LCN12: variants seen among roughly 807,000 people sequenced by gnomAD.
LCN12 encodes lipocalin 12.
In LCN12, 15 loss-of-function variants were observed where a neutral mutation model predicts 23.7. The observed-to-expected ratio is 0.63, with a 90% confidence interval of 0.42 to 0.97. The LOEUF (loss-of-function observed/expected upper bound fraction) is 0.97, where lower values mean the gene tolerates loss of function less well. Among genes scored for constraint, LCN12 ranks in the 50% least tolerant of loss-of-function variants. The pLI is 0.00. For synonymous variants in LCN12, 116 were observed against 111.5 expected (o/e 1.04, Z -0.25); for missense variants, 219 against 249.6 (o/e 0.88, Z 0.83).
Position 136,954,928 on chromosome 9 carries a change from A to G in LCN12, c.551-443A>G, listed in dbSNP as rs567573684. On this transcript the variant is annotated intron_variant, in intron 5 of 5. Transcript: ENST00000371633. ...TGCATAACCACATGCACACACACTC[A>G]CGCATGAGCAAACGTGTACAGACTG... 2.7e-5 allele frequency: 34 copies of G among 1,236,486 alleles called. No individual in the cohort carries two copies. In the South Asian group the frequency reaches 4.8e-4, roughly 18 times the overall value. The allele number at this position is 1,236,486 out of a possible 1,614,324, so 76.6% of individuals were successfully genotyped here.
Position 136,953,939 on chromosome 9 carries a change from GGCCGTCCTCAGGATCA to G in LCN12, c.427_442del (p.Val143CysfsTer35). ...TGTCCCGCAGACACACGAGCAGGCT[GGCCGTCCTCAGGATCA>G]GCCTGCTGGGTGAGCCTCCCACCCC... On this transcript the variant is annotated frameshift_variant, in exon 4 of 6. Coordinates refer to ENST00000371633, the MANE Select transcript of LCN12 (RefSeq NM_178536.4). LOFTEE classifies it high-confidence loss of function. 6.2e-7 allele frequency: 1 copy of G among 1,610,908 alleles called. No individual in the cohort carries two copies. The highest frequency in any genetic ancestry group is 8.5e-7 in the Non-Finnish European group (1 of 1,179,820).
upstream of LCN12, among the ~76,000 whole-genome samples, chr9:136,950,396 C>T (rs117294320): frequency 1.9e-3 from 284 of 152,256 alleles, 5 homozygotes; most frequent in East Asian, 0.043. Context: ...GGACCCTCCT[C>T]TGTGTCGAGG....
upstream of LCN12, chr9:136,951,503 C>T (rs1344530804): frequency 6.6e-6 from 1 of 152,418 alleles, no homozygotes; most frequent in Non-Finnish European, 1.5e-5. Context: ...GATCCTCCCA[C>T]CTTGGCCCCC....
rs889243251 is a variant in LCN12, at chr9:136,953,427, G to A, written c.252-273G>A. ...CACTTTGGGGGCCGGGCGCGGTGGC[G>A]CACACCTGTAATCCCAGCACTTTAG... On this transcript the variant is annotated intron_variant, in intron 2 of 5. Coordinates refer to ENST00000371633, the MANE Select transcript of LCN12 (RefSeq NM_178536.4). 11 of 449,054 alleles carry A rather than the reference G, an allele frequency of 2.4e-5. No homozygotes were observed. In the East Asian group the frequency reaches 3.7e-4, roughly 15 times the overall value. The allele number at this position is 449,054 out of a possible 1,614,324, so 27.8% of individuals were successfully genotyped here. A position where few individuals can be genotyped will look rare whatever the true frequency, so the allele number is the denominator to read the frequency against.
At chr9:136,954,449 C>T in intron 5 of LCN12, 194 bp downstream of exon 5, 1 of 730,476 alleles carries the variant, frequency 1.4e-6, no homozygotes, top group South Asian at 1.5e-5. Flanking sequence ...CCCCGGGTCC[C>T]CTGTCCTGGG....
upstream of LCN12, among the ~76,000 whole-genome samples, chr9:136,950,063 G>A (rs1321451405): frequency 6.6e-6 from 1 of 151,390 alleles, no homozygotes; most frequent in Non-Finnish European, 1.5e-5. Context: ...CAAGGCCCGC[G>A]TCCTGCACGG....
Position 136,952,893 on chromosome 9 carries a change from TC to T in LCN12, c.118del (p.Gln40ArgfsTer22), listed in dbSNP as rs1433562459. The part of the protein sequence containing the change: ...PPMQSFQGNQ[F>X]QGEWFVLGLA... ...CCCTGCCCACCACCGCCTCTGTAGT[TC>T]CAGGGGGAATGGTTCGTCCTGGGCC... On this transcript the variant is annotated frameshift_variant and splice_region_variant, in exon 2 of 6. Transcript: ENST00000371633. LOFTEE classifies it high-confidence loss of function. The T allele has an allele frequency of 6.2e-7, 1 of 1,612,280 alleles. No individual in the cohort carries two copies. Among genetic ancestry groups the T allele is most frequent in the East Asian group, 2.2e-5 (1 of 44,878 alleles).
chr9:136,950,190 C>T (rs1851116588), upstream of LCN12, among the ~76,000 whole-genome samples: 1 of 152,212 alleles, frequency 6.6e-6, no homozygotes, highest in Admixed American at 6.5e-5. Flanking sequence ...GCAGCACCTG[C>T]GTCTGCCCCG....
At chr9:136,950,693 T>A (rs1851131961), upstream of LCN12, among the ~76,000 whole-genome samples, 2 of 151,508 alleles carry the variant, frequency 1.3e-5, no homozygotes, top group African/African-American at 4.9e-5. Flanking sequence ...CCTTGGGGAG[T>A]TCAGGGGAAT....
At chr9:136,952,779 A>G in intron 1 of LCN12, 113 bp from the exon 2 acceptor site, 1 of 1,272,372 alleles carries the variant, frequency 7.9e-7, no homozygotes, top group Non-Finnish European at 1.1e-6. Context: ...CCCAGCCAGG[A>G]GCACTGCTCT....
At chr9:136,953,377 C>T (rs190305897) in intron 2 of LCN12, 1,402 of 95,658 alleles carry the variant, frequency 0.015, 17 homozygotes, top group Non-Finnish European at 0.022. Context: ...GGGCCGGGCG[C>T]GGTCGCGCAC....
At chr9:136,953,411 G>A in intron 2 of LCN12, 2 of 443,066 alleles carry the variant, frequency 4.5e-6, no homozygotes, top group South Asian at 2.4e-5. Context: ...GCACTTTGGG[G>A]GCCGGGCGCG....
intron 5 of LCN12, chr9:136,955,037 C>G (rs569331004): frequency 1.4e-6 from 2 of 1,390,962 alleles, no homozygotes; most frequent in East Asian, 5.5e-5. Context: ...CACAGGCACA[C>G]GTGCTGGTCT....
chr9:136,952,557 A>G, intron 1 of LCN12, 116 bp downstream of exon 1: 1 of 760,762 alleles, frequency 1.3e-6, no homozygotes, highest in Non-Finnish European at 2.1e-6. Context: ...CCGTGCTTCC[A>G]GGAGCCCCCA....
chr9:136,955,033 C>T, intron 5 of LCN12: 1 of 1,388,384 alleles, frequency 7.2e-7, no homozygotes, highest in East Asian at 2.8e-5. Flanking sequence ...CGTGCACAGG[C>T]ACACGTGCTG....
At chr9:136,953,091 C>T (rs1851205255) in intron 2 of LCN12, 63 bp downstream of exon 2, 1 of 1,599,910 alleles carries the variant, frequency 6.3e-7, no homozygotes. Context: ...GTCCCAGCCG[C>T]CAGTGGCTCA....
At chr9:136,949,988 C>T (rs1452332747), upstream of LCN12, among the ~76,000 whole-genome samples, 4 of 152,186 alleles carry the variant, frequency 2.6e-5, no homozygotes, top group Non-Finnish European at 5.9e-5. Flanking sequence ...CCGGCCCGCC[C>T]ACCCCAGGCG....
At chr9:136,955,703 T>C (rs1851306960), downstream of LCN12, among the ~76,000 whole-genome samples, 1 of 152,246 alleles carries the variant, frequency 6.6e-6, no homozygotes, top group Non-Finnish European at 1.5e-5. Context: ...TTGCAGGTTG[T>C]ACAAGGTCGT....
chr9:136,953,694 C>T lies in LCN12; in HGVS notation c.252-6C>T, dbSNP rs754138187. 1.3e-6 allele frequency: 2 copies of T among 1,577,644 alleles called. No homozygotes were observed. Among genetic ancestry groups the T allele is most frequent in the Non-Finnish European group, 1.7e-6 (2 of 1,160,834 alleles). ...GCCTTCCGCCTCCACCTGTCCCCTC[C>T]TACAGAGGCCAGCACTGTGACACAT... On this transcript the variant is annotated splice_polypyrimidine_tract_variant and splice_region_variant and intron_variant, in intron 2 of 5. Transcript: ENST00000371633.
Sources: gnomAD v4.1 joint callset for allele counts (sites outside exome capture counted in the v4.1 genomes callset) on GRCh38, gnomAD v4.1.1 for gene constraint, MANE v1.5 for transcripts, NCBI Gene and HGNC (gene_info 2026-07-23, HGNC 2026-07-21) for gene names.